SOBP: variants seen among roughly 807,000 people sequenced by gnomAD.
SOBP encodes the protein sine oculis binding protein homolog.
Under a neutral mutation model 53.6 loss-of-function variants are expected in SOBP, and 4 were observed. The observed-to-expected ratio is 0.07, with a 90% CI of 0.04 to 0.17. The LOEUF is 0.17. Among genes scored for constraint, SOBP ranks in the 10% least tolerant of loss-of-function variants. SOBP has a pLI of 1.00. For missense variants in SOBP, 1,088 were observed against 1,204.7 expected (o/e 0.90, Z 1.43); for synonymous variants, 584 against 522.6 (o/e 1.12, Z -1.60).
intron 5 of SOBP, among the ~76,000 whole-genome samples, chr6:107,629,671 G>A (rs1264136413): frequency 6.6e-6 from 1 of 152,210 alleles, no homozygotes; most frequent in African/African-American, 2.4e-5. Context: ...TATGTGCTGA[G>A]GCAGTGTCTT....
At chr6:107,638,463 G>A (rs1057253502) in intron 6 of SOBP, among the ~76,000 whole-genome samples, 1 of 152,090 alleles carries the variant, frequency 6.6e-6, no homozygotes, top group Non-Finnish European at 1.5e-5. Flanking sequence ...CACCCACCTC[G>A]GCCTCCCAAA....
At chr6:107,587,617 A>G (rs1393927236) in intron 5 of SOBP, among the ~76,000 whole-genome samples, 1 of 152,202 alleles carries the variant, frequency 6.6e-6, no homozygotes, top group Admixed American at 6.5e-5. Flanking sequence ...TACTCCCTTT[A>G]GAATTCAAGT....
At chr6:107,616,088 G>GA (rs1786780056) in intron 5 of SOBP, among the ~76,000 whole-genome samples, 1 of 129,260 alleles carries the variant, frequency 7.7e-6, no homozygotes, top group South Asian at 3.0e-4. Flanking sequence ...GGGGGGTGGG[G>GA]GGGGGGCGGG....
intron 4 of SOBP, among the ~76,000 whole-genome samples, chr6:107,553,847 C>T (rs998493761): frequency 2.6e-5 from 4 of 152,050 alleles, no homozygotes; most frequent in African/African-American, 9.7e-5. Flanking sequence ...GTCTTGAACT[C>T]CTGGTCTCAG....
intron 4 of SOBP, among the ~76,000 whole-genome samples, chr6:107,582,007 T>C (rs1785418816): frequency 6.6e-6 from 1 of 152,218 alleles, no homozygotes; most frequent in African/African-American, 2.4e-5. Context: ...GCAGAATCTT[T>C]GCTTGTTTTC....
chr6:107,659,598 T>C lies in SOBP; in HGVS notation c.*1395T>C, dbSNP rs1772211129. ...CTGTTTACTAACTCAAATAAAGCAATTGTTCCCTCTGGAGGGGTCCAGGTG... is the reference window on the plus strand; with the variant it reads ...CTGTTTACTAACTCAAATAAAGCAACTGTTCCCTCTGGAGGGGTCCAGGTG... On this transcript the variant is annotated 3_prime_UTR_variant, in exon 7 of 7. Coordinates refer to ENST00000317357, the MANE Select transcript of SOBP (RefSeq NM_018013.4). The C allele has an allele frequency of 6.6e-6, 1 of 151,192 alleles. No individual in the cohort carries two copies. The highest frequency in any genetic ancestry group is 6.6e-5 in the Admixed American group (1 of 15,168). The allele number at this position is 151,192 out of a possible 1,614,324, so 9.4% of individuals were successfully genotyped here. A position where few individuals can be genotyped will look rare whatever the true frequency, so the allele number is the denominator to read the frequency against.
At chr6:107,525,581 G>C (rs1030647049) in intron 3 of SOBP, among the ~76,000 whole-genome samples, 1 of 152,116 alleles carries the variant, frequency 6.6e-6, no homozygotes, top group Admixed American at 6.5e-5. Context: ...CTAGAAACAC[G>C]GGAAGATGAA....
rs113915598 is a variant in SOBP, at chr6:107,621,186, A to G, written c.670-12328A>G. On this transcript the variant is annotated intron_variant, in intron 5 of 6. Coordinates refer to ENST00000317357, the MANE Select transcript of SOBP (RefSeq NM_018013.4). ...ATAAATAACAGGTGTGTTTAAATAT[A>G]TATGAATACCTATCTGTGTCCCGGG... 1.3e-3 allele frequency: 923 copies of G among 700,432 alleles called. 8 individuals are homozygous for G. The African/African-American group carries it at 0.017, about 13-fold the overall frequency. The allele number at this position is 700,432 out of a possible 1,614,324, so 43.4% of individuals were successfully genotyped here.
At chr6:107,611,839 A>G (rs961781795) in intron 5 of SOBP, among the ~76,000 whole-genome samples, 8 of 152,206 alleles carry the variant, frequency 5.3e-5, no homozygotes, top group South Asian at 2.1e-4. Context: ...GGAGTTAACT[A>G]ATTCCATCGG....
chr6:107,526,189 G>A (rs1746744170), intron 3 of SOBP, among the ~76,000 whole-genome samples: 1 of 152,072 alleles, frequency 6.6e-6, no homozygotes, highest in Admixed American at 6.6e-5. Flanking sequence ...CTGACCTCAA[G>A]TGATCCACCC....
intron 5 of SOBP, among the ~76,000 whole-genome samples, chr6:107,604,363 G>A: frequency 6.6e-6 from 1 of 152,160 alleles, no homozygotes. Flanking sequence ...AGCAGCCTCG[G>A]TCTGTGAGAT....
chr6:107,516,530 G>A (rs909976476), intron 3 of SOBP, among the ~76,000 whole-genome samples: 24 of 151,236 alleles, frequency 1.6e-4, no homozygotes, highest in African/African-American at 4.1e-4. Flanking sequence ...CTTCTGTACC[G>A]GAAATTAACA....
intron 4 of SOBP, among the ~76,000 whole-genome samples, chr6:107,546,951 G>A (rs979618691): frequency 5.9e-5 from 9 of 152,094 alleles, no homozygotes; most frequent in African/African-American, 2.2e-4. Flanking sequence ...GGGAAGGAGT[G>A]GATGATATTC....
At chr6:107,623,186 G>A (rs1055173858) in intron 5 of SOBP, among the ~76,000 whole-genome samples, 5 of 152,196 alleles carry the variant, frequency 3.3e-5, no homozygotes, top group African/African-American at 1.2e-4. Flanking sequence ...CCGACAATCA[G>A]AGGCTCAGTG....
intron 5 of SOBP, among the ~76,000 whole-genome samples, chr6:107,614,574 G>A (rs1786713448): frequency 6.6e-6 from 1 of 152,222 alleles, no homozygotes; most frequent in South Asian, 2.1e-4. Context: ...AGTATCAGAA[G>A]TCTGCTAATA....
chr6:107,601,829 C>G (rs939087903), intron 5 of SOBP, among the ~76,000 whole-genome samples: 1 of 152,222 alleles, frequency 6.6e-6, no homozygotes, highest in Non-Finnish European at 1.5e-5. Flanking sequence ...TCACTACTGA[C>G]TTAATTGCTT....
At position 107,638,813 on chromosome 6, in the gene SOBP, A is replaced by T. The variant is rs1251580623; in HGVS notation, c.*3+3344A>T. ...ATATATTCATTATATATTATATAGG[A>T]TAATCTGTCAATAACTTCAGTCAGC... is the stretch of plus-strand genomic sequence containing the variant. On this transcript the variant is annotated intron_variant, in intron 6 of 6. Transcript: ENST00000317357. Among the ~76,000 whole-genome samples the T allele has an allele frequency of 3.3e-5, 5 of 152,174 alleles. No individual in the cohort carries two copies. The East Asian group carries it at 7.7e-4, about 23-fold the overall frequency.
At chr6:107,499,143 G>A (rs1782772398) in intron 1 of SOBP, among the ~76,000 whole-genome samples, 2 of 152,136 alleles carry the variant, frequency 1.3e-5, no homozygotes, top group South Asian at 4.1e-4. Context: ...GGTCCGGGAG[G>A]TAGCTTCTTT....
rs1425908564 is a variant in SOBP at position 107,490,695 on chromosome 6, A to G, written c.79A>G (p.Ile27Val). The G allele has an allele frequency of 1.9e-6, 3 of 1,605,538 alleles. No individual in the cohort carries two copies. Among genetic ancestry groups the G allele is most frequent in the Non-Finnish European group, 8.5e-7 (1 of 1,175,562 alleles). ...GCCGGCTCACCCAGTGAAAAGGGAG[A>G]TCAATGAGGAGATGAAGGTATTTTT... ...RKPAHPVKRE[I>V]NEEMKNFAEN... The change falls in exon 1 of 7, where the codon ATC (isoleucine) becomes GTC (valine). Residue 27 changes from isoleucine (I) to valine (V), a missense_variant. Ile to Val is a conservative substitution (Grantham distance 29). This residue lies in a region of SOBP where 37 missense variants were observed against 37.8 expected (regional missense o/e 0.98). Transcript: ENST00000317357.
Sources: allele counts gnomAD v4.1 joint callset (sites outside exome capture counted in the v4.1 genomes callset), GRCh38; gene constraint gnomAD v4.1.1; regional missense constraint gnomAD v4.1.1; transcripts MANE v1.5; gene names NCBI Gene and HGNC (gene_info 2026-07-23, HGNC 2026-07-21).